Variants in FMN2 observed in about 807,000 individuals in gnomAD.
FMN2 encodes formin 2, also known as formin-2.
FMN2 carries 51 observed loss-of-function variants against 142.3 expected under a neutral mutation model. The ratio of observed to expected loss-of-function variants is 0.36; its 90% CI spans 0.29 to 0.45. The LOEUF (loss-of-function observed/expected upper bound fraction) is 0.45. Among genes scored for constraint, FMN2 ranks in the 20% least tolerant of loss-of-function variants. The pLI is 1.00. For synonymous variants in FMN2, 882 were observed against 869.8 expected (o/e 1.01, Z -0.25); for missense variants, 1,936 against 2,122.8 (o/e 0.91, Z 1.73).
chr1:240,308,617 A>G (rs1015511969), intron 8 of FMN2, among the ~76,000 whole-genome samples: 1 of 152,106 alleles, frequency 6.6e-6, no homozygotes, highest in Non-Finnish European at 1.5e-5. Flanking sequence ...AGTTCTGACA[A>G]CTAGGAATAG....
At chr1:240,262,482 T>G (rs139303438) in intron 7 of FMN2, among the ~76,000 whole-genome samples, 1 of 152,322 alleles carries the variant, frequency 6.6e-6, no homozygotes, top group Non-Finnish European at 1.5e-5. Flanking sequence ...AAGAGTATCC[T>G]ACAGCTTCAT....
chr1:240,445,543 G>A (rs140004269), intron 16 of FMN2, among the ~76,000 whole-genome samples: 1 of 152,142 alleles, frequency 6.6e-6, no homozygotes, highest in Non-Finnish European at 1.5e-5. Flanking sequence ...TGGTAAGGAT[G>A]TTCACGGCAA....
At chr1:240,299,525 C>T (rs1670118964) in intron 8 of FMN2, among the ~76,000 whole-genome samples, 1 of 152,122 alleles carries the variant, frequency 6.6e-6, no homozygotes, top group African/African-American at 2.4e-5. Flanking sequence ...ATAAAGCTAA[C>T]CATTGCTATC....
chr1:240,277,313 T>C (rs576902559), intron 7 of FMN2, among the ~76,000 whole-genome samples: 1 of 152,208 alleles, frequency 6.6e-6, no homozygotes, highest in South Asian at 2.1e-4. Flanking sequence ...TTTCTTCTAA[T>C]TCTTAGAATT....
chr1:240,297,181 GTATC>G (rs1670015929), intron 8 of FMN2, among the ~76,000 whole-genome samples: 1 of 151,916 alleles, frequency 6.6e-6, no homozygotes, highest in African/African-American at 2.4e-5. Context: ...GTGTGTGTGT[GTATC>G]TATATGTGTG....
Position 240,208,749 on chromosome 1 carries a change from C to A in FMN2, c.3920+17C>A, listed in dbSNP as rs776545633. 24 of 1,595,198 alleles carry A rather than the reference C, an allele frequency of 1.5e-5. No homozygotes were observed. Among genetic ancestry groups the A allele is most frequent in the Non-Finnish European group, 2.0e-5 (23 of 1,166,976 alleles). ...TAGTAAAAGGTAACATGAAAGTGAGCTCGTCTTTGCACAGTGTGTGTCAGT... is the reference window on the plus strand; with the variant it reads ...TAGTAAAAGGTAACATGAAAGTGAGATCGTCTTTGCACAGTGTGTGTCAGT... On this transcript the variant is annotated intron_variant, in intron 5 of 17. Transcript: ENST00000319653.
chr1:240,235,578 A>G (rs1483768753), intron 6 of FMN2, among the ~76,000 whole-genome samples: 1 of 138,026 alleles, frequency 7.2e-6, no homozygotes, highest in African/African-American at 2.5e-5. Context: ...TGCCTGGCTA[A>G]TTAAAAATTT....
chr1:240,150,930 G>T (rs1431251603), intron 2 of FMN2, among the ~76,000 whole-genome samples: 2 of 152,196 alleles, frequency 1.3e-5, no homozygotes, highest in Non-Finnish European at 2.9e-5. Flanking sequence ...TCACAGGTAT[G>T]TTCAAAGGCA....
At chr1:240,103,951 A>G (rs1448381030) in intron 1 of FMN2, among the ~76,000 whole-genome samples, 3 of 151,562 alleles carry the variant, frequency 2.0e-5, no homozygotes, top group African/African-American at 7.3e-5. Context: ...ATCTCGGCTC[A>G]CTGCAAGCTC....
intron 15 of FMN2, among the ~76,000 whole-genome samples, chr1:240,437,494 G>A (rs934727407): frequency 1.0e-3 from 158 of 151,964 alleles, no homozygotes; most frequent in African/African-American, 3.7e-3. Flanking sequence ...AGTAGAGACA[G>A]GGTTTCACCG....
Position 240,474,715 on chromosome 1 carries a change from A to ATTT in FMN2, c.*567_*569dup, listed in dbSNP as rs139197792. On this transcript the variant is annotated 3_prime_UTR_variant, in exon 18 of 18. Coordinates refer to ENST00000319653, the MANE Select transcript of FMN2 (RefSeq NM_020066.5). The stretch of plus-strand genomic sequence containing the variant: ...TATGTATTTGTGAAAGAAAATGGTC[A>ATTT]TTTTTTTTACTGAAGTCATATAATG... 6.6e-6 allele frequency: 1 copy of ATTT among 152,108 alleles called. No homozygotes were observed. 9.4% of individuals were successfully genotyped at this position (152,108 alleles called of 1,614,324 possible).
intron 4 of FMN2, among the ~76,000 whole-genome samples, chr1:240,200,546 A>G (rs1666085369): frequency 6.6e-6 from 1 of 152,012 alleles, no homozygotes; most frequent in Non-Finnish European, 1.5e-5. Context: ...TCCTACATAC[A>G]TTTGGCTACT....
At chr1:240,159,907 A>ATATATATATATATATATATATATCTGTG (rs1664193051) in intron 2 of FMN2, among the ~76,000 whole-genome samples, 3 of 44,466 alleles carry the variant, frequency 6.7e-5, no homozygotes, top group African/African-American at 2.2e-4. Context: ...ATATCTGTGT[A>ATATATATATATATATATATATATCTGTG]TATATATATA....
At chr1:240,111,806 C>T (rs1661819390) in intron 1 of FMN2, among the ~76,000 whole-genome samples, 1 of 152,124 alleles carries the variant, frequency 6.6e-6, no homozygotes, top group African/African-American at 2.4e-5. Flanking sequence ...GTTCAAACGC[C>T]TCTGACATCG....
intron 11 of FMN2, among the ~76,000 whole-genome samples, chr1:240,332,877 G>A (rs1054808914): frequency 6.6e-6 from 1 of 152,044 alleles, no homozygotes; most frequent in African/African-American, 2.4e-5. Context: ...GCTGCCAACC[G>A]TTTCATTGAA....
chr1:240,156,164 T>A (rs1205625832), intron 2 of FMN2, among the ~76,000 whole-genome samples: 1 of 152,026 alleles, frequency 6.6e-6, no homozygotes, highest in Non-Finnish European at 1.5e-5. Flanking sequence ...AGCGGGAGGA[T>A]CACTTGAGCC....
At chr1:240,219,118 C>T (rs1199139234) in intron 6 of FMN2, among the ~76,000 whole-genome samples, 1 of 152,182 alleles carries the variant, frequency 6.6e-6, no homozygotes, top group Non-Finnish European at 1.5e-5. Context: ...TTGCGTGCTT[C>T]TGTCTGGGAG....
intron 6 of FMN2, among the ~76,000 whole-genome samples, chr1:240,245,921 C>T (rs562727795): frequency 2.6e-5 from 4 of 152,284 alleles, no homozygotes; most frequent in Non-Finnish European, 4.4e-5. Context: ...TGGCTTACGC[C>T]TGTAATCCAG....
chr1:240,142,347 A>C (rs1056160679), intron 2 of FMN2, among the ~76,000 whole-genome samples: 4 of 152,190 alleles, frequency 2.6e-5, no homozygotes, highest in African/African-American at 7.2e-5. Flanking sequence ...GCTATTTTGA[A>C]TCTGAAAGTT....
Sources: allele counts gnomAD v4.1 joint callset (sites outside exome capture counted in the v4.1 genomes callset), GRCh38; gene constraint gnomAD v4.1.1; transcripts MANE v1.5; gene names NCBI Gene and HGNC (gene_info 2026-07-23, HGNC 2026-07-21).